Variants in KCNH8 observed in about 807,000 individuals in gnomAD.
KCNH8 encodes the protein potassium voltage-gated channel subfamily H member 8, also known as voltage-gated delayed rectifier potassium channel KCNH8.
A neutral mutation model predicts 103.6 loss-of-function variants in KCNH8; 70 were observed. That is an observed-to-expected ratio of 0.68 (90% CI 0.56 to 0.82). The LOEUF (loss-of-function observed/expected upper bound fraction) is 0.82. Ranked by LOEUF, KCNH8 falls within the 40% of genes least tolerant of loss-of-function variation. The pLI is 0.00. For missense variants in KCNH8, 1,217 were observed against 1,329.9 expected (o/e 0.92, Z 1.32); for synonymous variants, 498 against 489.4 (o/e 1.02, Z -0.23).
intron 7 of KCNH8, among the ~76,000 whole-genome samples, chr3:19,427,615 A>G (rs2067048207): frequency 6.6e-6 from 1 of 152,198 alleles, no homozygotes; most frequent in African/African-American, 2.4e-5. Context: ...TTCTATTCCT[A>G]GAAAATGAGT....
chr3:19,510,234 AC>A, intron 11 of KCNH8, 128 bp from the exon 12 acceptor site: 1 of 671,662 alleles, frequency 1.5e-6, no homozygotes, highest in South Asian at 1.7e-5. Context: ...GTAGATCCAC[AC>A]CCCTTCCTGT....
intron 5 of KCNH8, among the ~76,000 whole-genome samples, chr3:19,376,599 C>T (rs896544051): frequency 6.6e-6 from 1 of 152,228 alleles, no homozygotes; most frequent in Non-Finnish European, 1.5e-5. Context: ...GGAGCTGTTC[C>T]TATTCGGCCA....
chr3:19,507,694 G>T (rs1467089562), intron 11 of KCNH8, among the ~76,000 whole-genome samples: 1 of 152,166 alleles, frequency 6.6e-6, no homozygotes, highest in African/African-American at 2.4e-5. Context: ...GGAGAAACAG[G>T]ATCGGAGACC....
intron 1 of KCNH8, among the ~76,000 whole-genome samples, chr3:19,250,253 AG>A (rs1396182129): frequency 3.3e-5 from 5 of 152,186 alleles, no homozygotes; most frequent in African/African-American, 1.2e-4. Context: ...TTTCAAAAAA[AG>A]AAAAAAAAAT....
At chr3:19,488,870 T>C (rs1481004978) in intron 11 of KCNH8, among the ~76,000 whole-genome samples, 2 of 152,198 alleles carry the variant, frequency 1.3e-5, no homozygotes, top group African/African-American at 4.8e-5. Context: ...GAGCAGCTGG[T>C]GGCAATCAGC....
At chr3:19,247,160 A>C (rs1374065229) in intron 1 of KCNH8, among the ~76,000 whole-genome samples, 1 of 152,240 alleles carries the variant, frequency 6.6e-6, no homozygotes, top group Non-Finnish European at 1.5e-5. Flanking sequence ...TACAAGGACT[A>C]TGAGAAATCT....
chr3:19,370,837 C>A (rs2066080915), intron 5 of KCNH8, among the ~76,000 whole-genome samples: 1 of 150,906 alleles, frequency 6.6e-6, no homozygotes, highest in Admixed American at 6.6e-5. Context: ...TCAATTCCCA[C>A]CTATGAGTGA....
rs555340032 is a variant in KCNH8 at position 19,508,419 on chromosome 3, T to G, written c.2041-1944T>G. 5.3e-5 allele frequency among the ~76,000 whole-genome samples: 8 copies of G among 152,314 alleles called. No individual in the cohort carries two copies. The East Asian group carries it at 1.5e-3, about 29-fold the overall frequency. ...CCAATCTGGTGTTCATTTCTCTGCT[T>G]AGTCAGTTATTACTTTGCAGCCATC... On this transcript the variant is annotated intron_variant, in intron 11 of 15. Transcript: ENST00000328405.
At chr3:19,298,845 C>T (rs890068825) in intron 3 of KCNH8, among the ~76,000 whole-genome samples, 3 of 151,236 alleles carry the variant, frequency 2.0e-5, no homozygotes, top group Non-Finnish European at 2.9e-5. Context: ...TGGCGTGAAC[C>T]CGGGAGGCGC....
At chr3:19,478,088 T>TAA (rs1389398138) in intron 11 of KCNH8, among the ~76,000 whole-genome samples, 1 of 152,156 alleles carries the variant, frequency 6.6e-6, no homozygotes, top group African/African-American at 2.4e-5. Flanking sequence ...GCAGAAAACA[T>TAA]AATTTTATTT....
Position 19,334,877 on chromosome 3 carries a change from G to A in KCNH8, c.443-7710G>A, listed in dbSNP as rs143186482. ...TATTTTTCATATTCAAGGAAGAAAT[G>A]TGTATATACTATTTAATTGTAGTTA... On this transcript the variant is annotated intron_variant, in intron 3 of 15. Transcript: ENST00000328405. 8.7e-4 allele frequency among the ~76,000 whole-genome samples: 132 copies of A among 151,998 alleles called. 1 individual carries two copies. Among genetic ancestry groups the A allele is most frequent in the African/African-American group, 3.1e-3 (128 of 41,520 alleles).
At chr3:19,186,328 A>T (rs761773754) in intron 1 of KCNH8, among the ~76,000 whole-genome samples, 1 of 151,452 alleles carries the variant, frequency 6.6e-6, no homozygotes, top group African/African-American at 2.4e-5. Flanking sequence ...ACGCACCATT[A>T]CTGAGCTTGA....
chr3:19,306,766 C>T (rs1325195328), intron 3 of KCNH8, among the ~76,000 whole-genome samples: 1 of 152,024 alleles, frequency 6.6e-6, no homozygotes, highest in African/African-American at 2.4e-5. Flanking sequence ...ATATGTGGCT[C>T]ATTTGATTCC....
chr3:19,260,774 A>G (rs924058488), intron 2 of KCNH8, among the ~76,000 whole-genome samples: 9 of 147,904 alleles, frequency 6.1e-5, no homozygotes, highest in African/African-American at 1.7e-4. Context: ...CCCCACCCCA[A>G]TGTTAACCAC....
At chr3:19,278,978 CAGAT>C (rs1400827381) in intron 2 of KCNH8, among the ~76,000 whole-genome samples, 2 of 152,096 alleles carry the variant, frequency 1.3e-5, no homozygotes, top group Non-Finnish European at 2.9e-5. Flanking sequence ...TCTGAGTACA[CAGAT>C]AGAAGATTTT....
chr3:19,421,402 A>C (rs1175743045), intron 7 of KCNH8, among the ~76,000 whole-genome samples: 3 of 152,130 alleles, frequency 2.0e-5, no homozygotes, highest in Admixed American at 6.5e-5. Context: ...TAATACAGTC[A>C]TTCTCATTAG....
Position 19,284,858 on chromosome 3 carries a change from T to C in KCNH8, c.442+3529T>C, listed in dbSNP as rs2064808459. On this transcript the variant is annotated intron_variant, in intron 3 of 15. Coordinates refer to ENST00000328405, the MANE Select transcript of KCNH8 (RefSeq NM_144633.3). ...AGAAATCTTGGCTGGCAGTTAAATA[T>C]GTCCTTTTTATAAAAAAAAAAAAGA... Among the ~76,000 whole-genome samples the C allele has an allele frequency of 2.7e-5, 4 of 147,114 alleles. No individual in the cohort carries two copies. The South Asian group carries it at 8.5e-4, about 31-fold the overall frequency.
chr3:19,190,776 G>A (rs556268166), intron 1 of KCNH8, among the ~76,000 whole-genome samples: 7 of 151,862 alleles, frequency 4.6e-5, no homozygotes, highest in African/African-American at 4.8e-5. Context: ...AGGACTGTGC[G>A]CAGGAAGAAG....
At chr3:19,520,584 T>C (rs1413849298) in intron 15 of KCNH8, among the ~76,000 whole-genome samples, 1 of 152,002 alleles carries the variant, frequency 6.6e-6, no homozygotes, top group African/African-American at 2.4e-5. Context: ...AGTCCAAGCC[T>C]AATTTTACCA....
Sources: allele counts gnomAD v4.1 joint callset (sites outside exome capture counted in the v4.1 genomes callset), GRCh38; gene constraint gnomAD v4.1.1; transcripts MANE v1.5; gene names NCBI Gene and HGNC (gene_info 2026-07-23, HGNC 2026-07-21).